JAKMIP3: variants seen among roughly 807,000 people sequenced by gnomAD.
JAKMIP3 encodes the protein Janus kinase and microtubule interacting protein 3.
Under a neutral mutation model 118.5 loss-of-function variants are expected in JAKMIP3, and 58 were observed. That is an observed-to-expected ratio of 0.49 (90% CI 0.40 to 0.61). JAKMIP3 has a LOEUF of 0.61. Among genes scored for constraint, JAKMIP3 ranks in the 20% least tolerant of loss-of-function variants. The pLI, the probability that JAKMIP3 is intolerant of heterozygous loss-of-function variation, is 0.00. For synonymous variants in JAKMIP3, 486 were observed against 451.2 expected (o/e 1.08, Z -0.98); for missense variants, 950 against 1,109.0 (o/e 0.86, Z 2.04).
chr10:132,111,956 G>T (rs536351690), intron 2 of JAKMIP3, among the ~76,000 whole-genome samples: 1 of 152,006 alleles, frequency 6.6e-6, no homozygotes, highest in Non-Finnish European at 1.5e-5. Flanking sequence ...GGCAGGCAGG[G>T]GTAGAATCTG....
chr10:132,099,713 T>A (rs890926574), intron 1 of JAKMIP3, among the ~76,000 whole-genome samples: 2 of 152,218 alleles, frequency 1.3e-5, no homozygotes, highest in African/African-American at 4.8e-5. Flanking sequence ...CCTGATTGTG[T>A]CAATGAATCA....
intron 9 of JAKMIP3, among the ~76,000 whole-genome samples, chr10:132,138,395 C>G (rs867439779): frequency 7.3e-6 from 1 of 137,026 alleles, no homozygotes; most frequent in Admixed American, 7.3e-5. Context: ...GAGAGTACGC[C>G]GGGTGTGTGC....
intron 1 of JAKMIP3, among the ~76,000 whole-genome samples, chr10:132,046,764 A>T (rs2037930612): frequency 6.6e-6 from 1 of 152,232 alleles, no homozygotes; most frequent in East Asian, 1.9e-4. Context: ...TCAACCTAAG[A>T]GGAAGAAGCT....
intron 1 of JAKMIP3, among the ~76,000 whole-genome samples, chr10:132,068,122 C>G (rs1169626357): frequency 7.1e-6 from 1 of 140,896 alleles, no homozygotes; most frequent in Non-Finnish European, 1.5e-5. Context: ...GGACTGTGGG[C>G]TTCCGTGTGG....
rs1254639767 is a variant in JAKMIP3, at chr10:132,162,344, C to T, written c.2221-865C>T. On this transcript the variant is annotated intron_variant, in intron 19 of 23. Transcript: ENST00000684848. ...TGAGCACCTCCCACCACCAGGTGCA[C>T]GTGAAGCCACCATGAGGTTAATTCC... 3.3e-5 allele frequency among the ~76,000 whole-genome samples: 5 copies of T among 152,226 alleles called. No homozygotes were observed. In the East Asian group the frequency reaches 5.8e-4, roughly 18 times the overall value.
rs372888170 is a variant in JAKMIP3, at chr10:132,137,265, C to T, written c.1260C>T (p.Thr420=). The part of the protein sequence containing the change: ...LIDELSKTLE[T]AGYVKSVLER... Reference sequence around the variant, plus strand: ...TCTTCCTTTCCTAGACCCTTGAGACCGCCGGCTACGTGAAGAGCGTGTTAG... The same window carrying T: ...TCTTCCTTTCCTAGACCCTTGAGACTGCCGGCTACGTGAAGAGCGTGTTAG... Residue 420 remains threonine (T), a synonymous_variant, in exon 8 of 24, where the codon ACC becomes ACT. Coordinates refer to ENST00000684848, the MANE Select transcript of JAKMIP3 (RefSeq NM_001323087.2). 25 of 1,613,742 alleles carry T rather than the reference C, an allele frequency of 1.5e-5. No homozygotes were observed. In the East Asian group the frequency reaches 1.6e-4, roughly 10 times the overall value.
chr10:132,139,100 G>A (rs2052559866), intron 9 of JAKMIP3, among the ~76,000 whole-genome samples: 1 of 51,878 alleles, frequency 1.9e-5, no homozygotes, highest in Admixed American at 2.4e-4. Flanking sequence ...GCGTGTATGT[G>A]TGTACATGTG....
intron 23 of JAKMIP3, among the ~76,000 whole-genome samples, chr10:132,169,656 C>T (rs541116962): frequency 6.4e-4 from 97 of 151,732 alleles, no homozygotes; most frequent in African/African-American, 2.2e-3. Flanking sequence ...GCCCAGGGAG[C>T]GCTCCATCTC....
rs2048055135 is a variant in JAKMIP3 at position 132,118,408 on chromosome 10, T to A, written c.633+834T>A. On this transcript the variant is annotated intron_variant, in intron 3 of 23. Coordinates refer to ENST00000684848, the MANE Select transcript of JAKMIP3 (RefSeq NM_001323087.2). This position sits in a 1 kb window ranked among gnomAD's most constrained non-coding sequence, Gnocchi z 4.8. ...AATGGAGCTCTGTCTTAGAGGTGCG[T>A]GCCCCAGCCCTGTGCCTCTTCAGGA... 6.6e-6 allele frequency among the ~76,000 whole-genome samples: 1 copy of A among 152,186 alleles called. No individual in the cohort carries two copies. The highest frequency in any genetic ancestry group is 2.1e-4 in the South Asian group (1 of 4,828).
chr10:132,159,120 G>A (rs1423768508), intron 19 of JAKMIP3, among the ~76,000 whole-genome samples: 20 of 107,160 alleles, frequency 1.9e-4, no homozygotes, highest in African/African-American at 4.8e-4. Context: ...GTCTCTCCCC[G>A]TGTGATTCTG....
intron 23 of JAKMIP3, among the ~76,000 whole-genome samples, chr10:132,173,354 T>C (rs931020037): frequency 1.3e-5 from 2 of 150,748 alleles, no homozygotes; most frequent in Non-Finnish European, 2.9e-5. Context: ...CGGTAGCAGA[T>C]ACTTGGCGCT....
At chr10:132,140,223 C>T (rs2135912830) in intron 9 of JAKMIP3, among the ~76,000 whole-genome samples, 1 of 152,358 alleles carries the variant, frequency 6.6e-6, no homozygotes, top group South Asian at 2.1e-4. Flanking sequence ...GGGCCAGGAC[C>T]CGCTCACCCA....
At chr10:132,133,940 C>T (rs2051176804) in intron 4 of JAKMIP3, among the ~76,000 whole-genome samples, 1 of 152,234 alleles carries the variant, frequency 6.6e-6, no homozygotes, top group African/African-American at 2.4e-5. Context: ...TGCACCGGCT[C>T]CCTGCCCACC....
At chr10:132,040,561 T>C (rs1293500410) in intron 1 of JAKMIP3, among the ~76,000 whole-genome samples, 2 of 152,146 alleles carry the variant, frequency 1.3e-5, no homozygotes, top group East Asian at 3.9e-4. Context: ...ACTATTCAAT[T>C]GTTTCTTTAA....
intron 1 of JAKMIP3, among the ~76,000 whole-genome samples, chr10:132,081,749 T>A (rs1260220951): frequency 6.6e-6 from 1 of 152,028 alleles, no homozygotes; most frequent in Non-Finnish European, 1.5e-5. Flanking sequence ...CTGAGCCAAC[T>A]GGCCTTTCCG....
chr10:132,176,102 C>T (rs1565010742), intron 23 of JAKMIP3, among the ~76,000 whole-genome samples: 2 of 152,234 alleles, frequency 1.3e-5, no homozygotes, highest in African/African-American at 4.8e-5. Context: ...TTCAAGGTGC[C>T]TCACCATGTT....
At chr10:132,149,123 G>C (rs1400239081) in intron 14 of JAKMIP3, among the ~76,000 whole-genome samples, 1 of 152,092 alleles carries the variant, frequency 6.6e-6, no homozygotes, top group Non-Finnish European at 1.5e-5. Flanking sequence ...TTCACTGAGG[G>C]ATGTGCCCGT....
At chr10:132,070,227 A>T (rs1307247367) in intron 1 of JAKMIP3, among the ~76,000 whole-genome samples, 1 of 152,038 alleles carries the variant, frequency 6.6e-6, no homozygotes, top group African/African-American at 2.4e-5. Flanking sequence ...GGCTTACTGC[A>T]ACCTCTGCCT....
At position 132,066,068 on chromosome 10, in the gene JAKMIP3, G is replaced by A. The variant is rs1316228110; in HGVS notation, c.-138+7G>A. Among the ~76,000 whole-genome samples the A allele has an allele frequency of 6.6e-6, 1 of 152,188 alleles. No individual in the cohort carries two copies. The highest frequency in any genetic ancestry group is 1.5e-5 in the Non-Finnish European group (1 of 68,040). ...AGACAGCGAGCTTTGGAATGTGAGT[G>A]TTTATTTTCTGACTGCTGCAGAGGC... On this transcript the variant is annotated splice_region_variant and intron_variant, in intron 1 of 23. Transcript: ENST00000684848.
Sources: gnomAD v4.1 joint callset for allele counts (sites outside exome capture counted in the v4.1 genomes callset) on GRCh38, gnomAD v4.1.1 for gene constraint, Gnocchi (gnomAD v3.1) non-coding constraint, MANE v1.5 for transcripts, NCBI Gene and HGNC (gene_info 2026-07-23, HGNC 2026-07-21) for gene names.